Variants in RHBDL3 observed in about 807,000 individuals in gnomAD.
RHBDL3 encodes the protein rhomboid-related protein 3.
RHBDL3 carries 28 observed loss-of-function variants against 48.2 expected under a neutral mutation model. The observed-to-expected ratio is 0.58, with a 90% CI of 0.43 to 0.80. The LOEUF (loss-of-function observed/expected upper bound fraction) is 0.80, where lower values mean the gene tolerates loss of function less well. Among genes scored for constraint, RHBDL3 ranks in the 30% least tolerant of loss-of-function variants. The pLI is 0.00. For missense variants in RHBDL3, 464 were observed against 542.7 expected (o/e 0.85, Z 1.44); for synonymous variants, 208 against 232.3 (o/e 0.90, Z 0.95).
At chr17:32,297,327 G>C (rs1026987945) in intron 5 of RHBDL3, among the ~76,000 whole-genome samples, 2 of 152,050 alleles carry the variant, frequency 1.3e-5, no homozygotes, top group African/African-American at 4.8e-5. Context: ...AATTAGCCGG[G>C]CATGGTGGCC....
chr17:32,284,515 T>G, intron 2 of RHBDL3, 144 bp from the exon 3 acceptor site: 1 of 681,150 alleles, frequency 1.5e-6, no homozygotes, highest in Non-Finnish European at 2.4e-6. Context: ...CCCAGGGGGG[T>G]CCTTGGAAAT....
At position 32,321,491 on chromosome 17, in the gene RHBDL3, G is replaced by C; in HGVS notation, c.*262G>C. On this transcript the variant is annotated 3_prime_UTR_variant, in exon 9 of 9. Transcript: ENST00000269051. ...GGGCCAGGGTGAAGGTCTGGGGTGGGGTGTGAGAGTGGCCCTCCCTCACCT... is the reference window on the plus strand; with the variant it reads ...GGGCCAGGGTGAAGGTCTGGGGTGGCGTGTGAGAGTGGCCCTCCCTCACCT... The C allele has an allele frequency of 1.1e-6, 1 of 934,384 alleles. No homozygotes were observed. The highest frequency in any genetic ancestry group is 2.5e-4 in the Middle Eastern group (1 of 4,018). 57.9% of individuals were successfully genotyped at this position (934,384 alleles called of 1,614,324 possible).
chr17:32,307,588 C>T (rs556296421), intron 7 of RHBDL3, among the ~76,000 whole-genome samples: 1 of 152,296 alleles, frequency 6.6e-6, no homozygotes, highest in Non-Finnish European at 1.5e-5. Flanking sequence ...CCTGCCTATA[C>T]TTGCTACTGG....
chr17:32,313,745 C>T (rs928725753), intron 7 of RHBDL3, among the ~76,000 whole-genome samples: 2 of 143,196 alleles, frequency 1.4e-5, no homozygotes, highest in Non-Finnish European at 3.1e-5. Context: ...GGTCAGAATT[C>T]CCTCCCTTTT....
At chr17:32,302,571 G>C (rs1323293359) in intron 6 of RHBDL3, among the ~76,000 whole-genome samples, 1 of 151,042 alleles carries the variant, frequency 6.6e-6, no homozygotes, top group East Asian at 1.9e-4. Context: ...AGTAGCAATG[G>C]GGTTTCACCA....
intron 2 of RHBDL3, among the ~76,000 whole-genome samples, chr17:32,273,861 A>G (rs942478360): frequency 7.2e-5 from 11 of 152,038 alleles, no homozygotes; most frequent in African/African-American, 2.7e-4. Context: ...TCAGGCTCCG[A>G]AGTAGCTGGG....
intron 5 of RHBDL3, among the ~76,000 whole-genome samples, chr17:32,295,573 A>C (rs1296272171): frequency 2.0e-5 from 3 of 152,326 alleles, no homozygotes; most frequent in Middle Eastern, 3.4e-3. Context: ...CAGTGGCTGC[A>C]CGTGGGTTGG....
intron 6 of RHBDL3, among the ~76,000 whole-genome samples, chr17:32,302,208 G>A (rs545213751): frequency 1.3e-5 from 2 of 152,282 alleles, no homozygotes; most frequent in South Asian, 4.1e-4. Context: ...AGCTCTGGAG[G>A]GGATTCCTCC....
chr17:32,282,943 C>A (rs1304606393), intron 2 of RHBDL3, among the ~76,000 whole-genome samples: 1 of 152,126 alleles, frequency 6.6e-6, no homozygotes, highest in Non-Finnish European at 1.5e-5. Context: ...ATTGAAATAG[C>A]CCATGACTGA....
At chr17:32,293,884 T>C (rs1224759406) in intron 4 of RHBDL3, among the ~76,000 whole-genome samples, 1 of 152,050 alleles carries the variant, frequency 6.6e-6, no homozygotes, top group Non-Finnish European at 1.5e-5. Context: ...TTGTAGCACT[T>C]TGGGAGGCCA....
intron 5 of RHBDL3, among the ~76,000 whole-genome samples, chr17:32,297,738 G>A (rs2040487403): frequency 7.4e-6 from 1 of 136,026 alleles, no homozygotes. Flanking sequence ...GGGTTCAAGT[G>A]GTCCTCCCAC....
chr17:32,266,726 C>T (rs947482269), intron 1 of RHBDL3, among the ~76,000 whole-genome samples: 1 of 152,218 alleles, frequency 6.6e-6, no homozygotes, highest in Non-Finnish European at 1.5e-5. Context: ...CCATGCAAGC[C>T]GGCCTGGCGA....
intron 2 of RHBDL3, among the ~76,000 whole-genome samples, chr17:32,269,597 C>G (rs1365504787): frequency 6.6e-6 from 1 of 152,204 alleles, no homozygotes; most frequent in East Asian, 1.9e-4. Context: ...TAGAGCATCT[C>G]TCCCTCTGGC....
In RHBDL3 at chr17:32,322,502, T is replaced by C. The variant is rs2041160429; in HGVS notation, c.*1273T>C. The C allele has an allele frequency of 6.6e-6, 1 of 152,258 alleles. No homozygotes were observed. The highest frequency in any genetic ancestry group is 1.5e-5 in the Non-Finnish European group (1 of 68,122). The allele number at this position is 152,258 out of a possible 1,614,324, so 9.4% of individuals were successfully genotyped here. A position where few individuals can be genotyped will look rare whatever the true frequency, so the allele number is the denominator to read the frequency against. Reference sequence around the variant, plus strand: ...ATCTCCCTTAGGAGAGAAAGAGCTTTGGGGGCGCAAGAGAGGCTGGGGTAG... The same window carrying C: ...ATCTCCCTTAGGAGAGAAAGAGCTTCGGGGGCGCAAGAGAGGCTGGGGTAG... On this transcript the variant is annotated 3_prime_UTR_variant, in exon 9 of 9. Transcript: ENST00000269051.
intron 2 of RHBDL3, among the ~76,000 whole-genome samples, chr17:32,281,165 T>G (rs1245112847): frequency 1.3e-5 from 2 of 152,180 alleles, no homozygotes; most frequent in African/African-American, 4.8e-5. Flanking sequence ...CTCTGCTGTC[T>G]GGAGCCTGTT....
intron 3 of RHBDL3, chr17:32,288,478 C>T (rs1163432032): frequency 5.6e-6 from 2 of 357,272 alleles, no homozygotes; most frequent in Non-Finnish European, 1.0e-5. Flanking sequence ...TGGAGCCTTA[C>T]TGAGTGTGAA....
intron 5 of RHBDL3, among the ~76,000 whole-genome samples, chr17:32,297,737 T>C (rs629019): frequency 3.5e-5 from 5 of 141,690 alleles, no homozygotes; most frequent in African/African-American, 1.3e-4. Flanking sequence ...TGGGTTCAAG[T>C]GGTCCTCCCA....
intron 4 of RHBDL3, among the ~76,000 whole-genome samples, chr17:32,289,957 T>C (rs944100434): frequency 2.0e-5 from 3 of 152,250 alleles, no homozygotes; most frequent in Non-Finnish European, 4.4e-5. Flanking sequence ...TTTGTTGTTA[T>C]GGCTTCATCC....
chr17:32,300,612 T>A (rs2040559777), intron 6 of RHBDL3, among the ~76,000 whole-genome samples: 2 of 152,262 alleles, frequency 1.3e-5, no homozygotes, highest in South Asian at 4.2e-4. Flanking sequence ...GCAGCCTTAC[T>A]CTCTAATTCC....
Sources: allele counts gnomAD v4.1 joint callset (sites outside exome capture counted in the v4.1 genomes callset), GRCh38; gene constraint gnomAD v4.1.1; transcripts MANE v1.5; gene names NCBI Gene and HGNC (gene_info 2026-07-23, HGNC 2026-07-21).